PIGK: variants seen among roughly 807,000 people sequenced by gnomAD.
The protein encoded by PIGK is phosphatidylinositol glycan anchor biosynthesis class K, also known as GPI-anchor transamidase.
A neutral mutation model predicts 50.6 loss-of-function variants in PIGK; 42 were observed. The ratio of observed to expected loss-of-function variants is 0.83; its 90% CI spans 0.65 to 1.07. PIGK has a LOEUF of 1.07. Among genes scored for constraint, PIGK ranks in the 50% least tolerant of loss-of-function variants. The pLI is 0.00. For missense variants in PIGK, 448 were observed against 488.7 expected (o/e 0.92, Z 0.78); for synonymous variants, 151 against 156.0 (o/e 0.97, Z 0.24).
At chr1:77,096,473 AGGCTT>A (rs1653407084) in intron 10 of PIGK, among the ~76,000 whole-genome samples, 1 of 152,178 alleles carries the variant, frequency 6.6e-6, no homozygotes, top group Non-Finnish European at 1.5e-5. Context: ...TAGCCTCAAG[AGGCTT>A]GGCTTGCTTC....
chr1:77,092,529 T>C, intron 10 of PIGK, 39 bp from the exon 11 acceptor site: 1 of 1,037,422 alleles, frequency 9.6e-7, no homozygotes, highest in African/African-American at 1.6e-5. Flanking sequence ...TTATAACAGG[T>C]AAATAATTCA....
chr1:77,179,391 A>G (rs1307465044), intron 3 of PIGK, among the ~76,000 whole-genome samples: 1 of 152,238 alleles, frequency 6.6e-6, no homozygotes, highest in Non-Finnish European at 1.5e-5. Flanking sequence ...GACAAACTGC[A>G]ACCTAACTTA....
intron 3 of PIGK, among the ~76,000 whole-genome samples, chr1:77,202,019 C>T (rs1656180012): frequency 6.8e-6 from 1 of 147,540 alleles, no homozygotes; most frequent in Non-Finnish European, 1.5e-5. Context: ...GTTTGTGTCA[C>T]TGTAACCCAC....
chr1:77,192,421 G>A (rs1161108307), intron 3 of PIGK, among the ~76,000 whole-genome samples: 1 of 152,060 alleles, frequency 6.6e-6, no homozygotes, highest in African/African-American at 2.4e-5. Flanking sequence ...AAATTGTTCA[G>A]GCACTTACTT....
At chr1:77,211,146 T>C (rs1656410364) in intron 1 of PIGK, among the ~76,000 whole-genome samples, 1 of 152,060 alleles carries the variant, frequency 6.6e-6, no homozygotes, top group South Asian at 2.1e-4. Context: ...TTATGTGTAT[T>C]AATCGTCTGT....
chr1:77,206,803 T>G (rs1656297778), intron 2 of PIGK, 72 bp from the exon 3 acceptor site: 1 of 874,658 alleles, frequency 1.1e-6, no homozygotes, highest in Admixed American at 1.8e-5. Flanking sequence ...TATTTTTCTT[T>G]AAGTAGGATA....
rs187370822 is a variant in PIGK at position 77,103,718 on chromosome 1, C to T, written c.1072-11228G>A. 6.6e-5 allele frequency among the ~76,000 whole-genome samples: 10 copies of T among 152,154 alleles called. No individual in the cohort carries two copies. The East Asian group carries it at 7.7e-4, about 12-fold the overall frequency. On this transcript the variant is annotated intron_variant, in intron 10 of 10. Coordinates refer to ENST00000370812, the MANE Select transcript of PIGK (RefSeq NM_005482.3). ...AAATTAGAATTCAGGGAGGTTTAGG[C>T]GGTTAGAATTTGCAGGATAGAAGAG...
At chr1:77,150,501 AAAGAAAG>A (rs1190640890) in intron 9 of PIGK, among the ~76,000 whole-genome samples, 1 of 151,550 alleles carries the variant, frequency 6.6e-6, no homozygotes, top group Admixed American at 6.6e-5. Context: ...AAAAAAAAAA[AAAGAAAG>A]AAAGAAAGAA....
chr1:77,147,594 C>T (rs1310757729), intron 9 of PIGK, among the ~76,000 whole-genome samples: 1 of 152,092 alleles, frequency 6.6e-6, no homozygotes, highest in Admixed American at 6.5e-5. Flanking sequence ...AGAAAAGATA[C>T]AAAACTGGTA....
intron 9 of PIGK, chr1:77,154,166 T>C (rs1178963356): frequency 1.7e-5 from 8 of 471,272 alleles, no homozygotes; most frequent in Non-Finnish European, 2.6e-5. Flanking sequence ...TAGCCAGTTA[T>C]GGGAAAAGTT....
intron 1 of PIGK, among the ~76,000 whole-genome samples, chr1:77,215,986 T>C (rs1656552828): frequency 6.6e-6 from 1 of 152,096 alleles, no homozygotes; most frequent in African/African-American, 2.4e-5. Flanking sequence ...GATACAAAAT[T>C]ACAGATAGCA....
chr1:77,147,920 T>C (rs936176800), intron 9 of PIGK, among the ~76,000 whole-genome samples: 1 of 152,324 alleles, frequency 6.6e-6, no homozygotes, highest in Middle Eastern at 3.4e-3. Flanking sequence ...TCTTATTTCA[T>C]AAAGGTACTC....
At chr1:77,104,006 A>C (rs1254354561) in intron 10 of PIGK, among the ~76,000 whole-genome samples, 1 of 149,914 alleles carries the variant, frequency 6.7e-6, no homozygotes, top group Non-Finnish European at 1.5e-5. Context: ...AGGCTAAATC[A>C]GGATAGTGGG....
intron 2 of PIGK, among the ~76,000 whole-genome samples, chr1:77,207,430 T>C (rs1346423092): frequency 6.6e-6 from 1 of 152,184 alleles, no homozygotes; most frequent in East Asian, 1.9e-4. Flanking sequence ...GGTTATACAA[T>C]ATTTGTTTCA....
intron 2 of PIGK, among the ~76,000 whole-genome samples, chr1:77,209,749 A>G (rs1656373427): frequency 6.6e-6 from 1 of 152,114 alleles, no homozygotes; most frequent in South Asian, 2.1e-4. Flanking sequence ...GGAAAAGATT[A>G]TATGTCTCCA....
At chr1:77,102,294 A>G (rs1158210112) in intron 10 of PIGK, among the ~76,000 whole-genome samples, 1 of 152,216 alleles carries the variant, frequency 6.6e-6, no homozygotes, top group East Asian at 1.9e-4. Context: ...TTCTAGAGGC[A>G]ACACCCTCCA....
chr1:77,191,952 ACT>A (rs1261879929), intron 3 of PIGK, among the ~76,000 whole-genome samples: 1 of 152,068 alleles, frequency 6.6e-6, no homozygotes, highest in Admixed American at 6.6e-5. Context: ...TTAATATAAA[ACT>A]CTGTGGAATA....
chr1:77,163,222 T>C (rs1224563842), intron 6 of PIGK, among the ~76,000 whole-genome samples: 1 of 152,198 alleles, frequency 6.6e-6, no homozygotes, highest in Non-Finnish European at 1.5e-5. Context: ...CATATTTCTC[T>C]TTTCCATTAG....
At chr1:77,150,037 G>C (rs1486608818) in intron 9 of PIGK, among the ~76,000 whole-genome samples, 2 of 152,012 alleles carry the variant, frequency 1.3e-5, no homozygotes, top group Non-Finnish European at 2.9e-5. Context: ...AAAATGTCTT[G>C]AAACAAATGA....
Sources: allele counts gnomAD v4.1 joint callset (sites outside exome capture counted in the v4.1 genomes callset), GRCh38; gene constraint gnomAD v4.1.1; transcripts MANE v1.5; gene names NCBI Gene and HGNC (gene_info 2026-07-23, HGNC 2026-07-21).